TMPRSS7: variants seen among roughly 807,000 people sequenced by gnomAD.
TMPRSS7 encodes the protein transmembrane protease serine 7.
In TMPRSS7, 81 loss-of-function variants were observed where a neutral mutation model predicts 95.6. The observed-to-expected ratio is 0.85, with a 90% CI of 0.71 to 1.02. The LOEUF (loss-of-function observed/expected upper bound fraction) is 1.02. Ranked by LOEUF, TMPRSS7 falls within the 50% of genes least tolerant of loss-of-function variation. The pLI is 0.00. For synonymous variants in TMPRSS7, 364 were observed against 337.8 expected (o/e 1.08, Z -0.85); for missense variants, 945 against 955.2 (o/e 0.99, Z 0.14).
chr3:112,050,743 G>A (rs1305377416), exon 9 of TMPRSS7: 6 of 1,602,772 alleles, frequency 3.7e-6, no homozygotes, highest in Admixed American at 1.7e-5. Flanking sequence ...TATTACCCGA[G>A]CTACTATCCT....
At chr3:112,038,503 C>T (rs62280174) in intron 2 of TMPRSS7, among the ~76,000 whole-genome samples, 182 bp downstream of exon 2, 21,293 of 152,164 alleles carry the variant, frequency 0.14, 1,882 homozygotes, top group Middle Eastern at 0.2. Context: ...CAAGGTCTTG[C>T]TCTGTCACCC....
intron 9 of TMPRSS7, among the ~76,000 whole-genome samples, chr3:112,055,498 G>A (rs1031317798): frequency 5.4e-5 from 7 of 130,796 alleles, no homozygotes; most frequent in Admixed American, 7.5e-5. Context: ...CATATAATAC[G>A]ATGACATAAC....
At chr3:112,042,430 T>C (rs1267010452) in intron 3 of TMPRSS7, among the ~76,000 whole-genome samples, 1 of 152,168 alleles carries the variant, frequency 6.6e-6, no homozygotes, top group Non-Finnish European at 1.5e-5. Flanking sequence ...ATCTCTTCAT[T>C]GTAAAAAAAT....
chr3:112,042,752 T>C (rs2073225388), intron 3 of TMPRSS7, among the ~76,000 whole-genome samples: 1 of 152,374 alleles, frequency 6.6e-6, no homozygotes, highest in East Asian at 1.9e-4. Context: ...TCCCAACTTT[T>C]GCTATAGATA....
intron 14 of TMPRSS7, among the ~76,000 whole-genome samples, chr3:112,074,677 A>G (rs193083953): frequency 6.6e-6 from 1 of 152,354 alleles, no homozygotes; most frequent in East Asian, 1.9e-4. Flanking sequence ...ATCAAGGGAG[A>G]AGATCTTAAA....
rs1299854777 is a variant in TMPRSS7, at chr3:112,078,992, T to C, written c.2361+114T>C. 3 of 1,212,142 alleles carry C rather than the reference T, an allele frequency of 2.5e-6. No individual in the cohort carries two copies. In the Admixed American group the frequency reaches 7.3e-5, roughly 30 times the overall value. The allele number at this position is 1,212,142 out of a possible 1,614,324, so 75.1% of individuals were successfully genotyped here. A position where few individuals can be genotyped will look rare whatever the true frequency, so the allele number is the denominator to read the frequency against. On this transcript the variant is annotated intron_variant, in intron 17 of 17. Transcript: ENST00000452346. ...AGGGCAGGTATTTCCCTGAATTCAC[T>C]TGAGCTGCTCAGATATTATTTATCA...
At chr3:112,051,712 CT>C (rs1186063281) in intron 9 of TMPRSS7, among the ~76,000 whole-genome samples, 10 of 150,590 alleles carry the variant, frequency 6.6e-5, no homozygotes, top group Admixed American at 2.7e-4. Context: ...ACCTATCTAT[CT>C]ATCTCTCCCT....
Position 112,074,226 on chromosome 3 carries a change from C to T in TMPRSS7, c.1667-70C>T. 6.6e-6 allele frequency: 7 copies of T among 1,062,308 alleles called. No homozygotes were observed. The South Asian group carries it at 9.4e-5, about 14-fold the overall frequency. 65.8% of individuals were successfully genotyped at this position (1,062,308 alleles called of 1,614,324 possible). A position where few individuals can be genotyped will look rare whatever the true frequency, so the allele number is the denominator to read the frequency against. ...ATTTTTTATGGGGTTTGGAGTTATT[C>T]ATTCAAATCTCATTCACTCAAGTTT... On this transcript the variant is annotated intron_variant, in intron 13 of 17. Transcript: ENST00000452346.
At chr3:112,066,420 C>T in exon 13 of TMPRSS7, 1 of 1,614,016 alleles carries the variant, frequency 6.2e-7, no homozygotes, top group Non-Finnish European at 8.5e-7. Context: ...GCAATACCAG[C>T]TCCTTCAGGC....
At position 112,077,763 on chromosome 3, in the gene TMPRSS7, T is replaced by C. The variant is rs74883283; in HGVS notation, c.2224+619T>C. ...TTTTCAATATGCATAAAGATCAGGCTGTATAGTAGGGAAGTCCCTACATCT... is the reference window on the plus strand; with the variant it reads ...TTTTCAATATGCATAAAGATCAGGCCGTATAGTAGGGAAGTCCCTACATCT... On this transcript the variant is annotated intron_variant, in intron 16 of 17. Transcript: ENST00000452346. 4.2e-3 allele frequency among the ~76,000 whole-genome samples: 644 copies of C among 152,338 alleles called. 22 individuals are homozygous for C. In the East Asian group the frequency reaches 0.064, roughly 15 times the overall value.
At chr3:112,080,942 G>T in exon 18 of TMPRSS7, 1 of 1,613,370 alleles carries the variant, frequency 6.2e-7, no homozygotes, top group South Asian at 1.1e-5. Flanking sequence ...TTATCTTGTC[G>T]AAGAAAAAGT....
exon 16 of TMPRSS7, chr3:112,076,899 C>T (rs530923007): frequency 6.2e-7 from 1 of 1,614,132 alleles, no homozygotes; most frequent in African/African-American, 1.3e-5. Context: ...ACACCATGGA[C>T]TGCACACCTC....
At chr3:112,035,607 TC>T (rs2073145555) in intron 1 of TMPRSS7, among the ~76,000 whole-genome samples, 1 of 152,204 alleles carries the variant, frequency 6.6e-6, no homozygotes, top group South Asian at 2.1e-4. Flanking sequence ...AGAGATTATT[TC>T]TTTGGCATTG....
rs1323846915 is a variant in TMPRSS7, at chr3:112,038,067, TGAAGA to T, written c.49-4_49del. The T allele has an allele frequency of 1.4e-6, 1 of 701,496 alleles. No individual in the cohort carries two copies. Among genetic ancestry groups the T allele is most frequent in the Admixed American group, 2.0e-5 (1 of 49,756 alleles). The allele number at this position is 701,496 out of a possible 1,614,324, so 43.5% of individuals were successfully genotyped here. A position where few individuals can be genotyped will look rare whatever the true frequency, so the allele number is the denominator to read the frequency against. ...GGTAACATATCTTATTTCTTTTTTT[TGAAGA>T]TATCCAATATCTCAGTCCAAGTGGT... On this transcript the variant is annotated splice_acceptor_variant and splice_polypyrimidine_tract_variant and coding_sequence_variant and intron_variant, in exon 2 of 18. Coordinates refer to ENST00000452346, the Ensembl canonical transcript of TMPRSS7. LOFTEE classifies it high-confidence loss of function.
intron 13 of TMPRSS7, among the ~76,000 whole-genome samples, chr3:112,074,040 G>C (rs1236701970): frequency 6.6e-6 from 1 of 152,184 alleles, no homozygotes; most frequent in Non-Finnish European, 1.5e-5. Flanking sequence ...TGTCTCACCT[G>C]CTATGGGAGA....
chr3:112,066,340 C>T (rs1363175294), intron 12 of TMPRSS7, 52 bp from the exon 13 acceptor site: 7 of 1,517,026 alleles, frequency 4.6e-6, no homozygotes, highest in South Asian at 2.3e-5. Context: ...CATCAGAGAA[C>T]CCAGCTGGTG....
Position 112,078,877 on chromosome 3 carries a change from A to G in TMPRSS7, c.2360A>G (p.Lys787Arg), listed in dbSNP as rs879243289. The G allele has an allele frequency of 6.2e-7, 1 of 1,613,504 alleles. No homozygotes were observed. The highest frequency in any genetic ancestry group is 8.5e-7 in the Non-Finnish European group (1 of 1,179,936). ...ATGTCAGGCAAGAGAGATGCCTGCA[A>G]AGTAAGTCATTGTACCTTTCCCTTG... The change falls in exon 17 of 18, where the codon AAA becomes AGA. Residue 787 changes from lysine (K) to arginine (R), a missense_variant and splice_region_variant. Lys to Arg is a conservative substitution (Grantham distance 26). Transcript: ENST00000452346.
At chr3:112,046,058 C>A in intron 5 of TMPRSS7, 115 bp downstream of exon 5, 1 of 906,070 alleles carries the variant, frequency 1.1e-6, no homozygotes, top group Non-Finnish European at 1.7e-6. Flanking sequence ...CCCACAATCC[C>A]AGTGGCGCAG....
intron 9 of TMPRSS7, among the ~76,000 whole-genome samples, chr3:112,051,011 G>A (rs557988482): frequency 2.3e-4 from 35 of 152,114 alleles, no homozygotes; most frequent in African/African-American, 7.0e-4. Context: ...TATTTTGTTG[G>A]TATTGAAAAT....
Sources: allele counts gnomAD v4.1 joint callset (sites outside exome capture counted in the v4.1 genomes callset), GRCh38; gene constraint gnomAD v4.1.1; transcripts MANE v1.5; gene names NCBI Gene and HGNC (gene_info 2026-07-23, HGNC 2026-07-21).